Variants in FAR2 observed in about 807,000 individuals in gnomAD.
FAR2 encodes the protein fatty acyl-CoA reductase 2.
FAR2 carries 19 observed loss-of-function variants against 56.0 expected under a neutral mutation model. The ratio of observed to expected loss-of-function variants is 0.34; its 90% confidence interval spans 0.24 to 0.50. FAR2 has a LOEUF of 0.50. FAR2 is among the 20% of genes least tolerant of loss of function. FAR2 has a pLI of 0.98. For synonymous variants in FAR2, 219 were observed against 218.8 expected (o/e 1.00, Z -0.01); for missense variants, 508 against 642.2 (o/e 0.79, Z 2.26).
intron 1 of FAR2, among the ~76,000 whole-genome samples, chr12:29,253,371 CTATCTAGATAGATAGATAGA>C (rs1286416065): frequency 1.0e-5 from 1 of 98,046 alleles, no homozygotes; most frequent in South Asian, 3.2e-4. Flanking sequence ...AGATATCTAT[CTATCTAGATAGATAGATAGA>C]TATCTAGATA....
At chr12:29,333,230 T>C (rs1199684903) in intron 11 of FAR2, 1 of 247,206 alleles carries the variant, frequency 4.0e-6, no homozygotes, top group Admixed American at 5.2e-5. Flanking sequence ...AGTGCAGAGA[T>C]GATAAGGATA....
intron 1 of FAR2, among the ~76,000 whole-genome samples, chr12:29,176,685 A>G (rs79513871): frequency 0.013 from 2,051 of 152,350 alleles, 17 homozygotes; most frequent in Non-Finnish European, 0.022. Context: ...TGCTATAAAT[A>G]TAGTATAAAG....
intron 1 of FAR2, among the ~76,000 whole-genome samples, chr12:29,240,900 G>A (rs2136663910): frequency 6.6e-6 from 1 of 152,122 alleles, no homozygotes; most frequent in African/African-American, 2.4e-5. Context: ...CCGCTTCCTG[G>A]GTTCAAGTGA....
intron 9 of FAR2, among the ~76,000 whole-genome samples, chr12:29,317,233 A>G (rs1200839230): frequency 6.6e-6 from 1 of 152,236 alleles, no homozygotes; most frequent in Non-Finnish European, 1.5e-5. Flanking sequence ...AATTCCACAT[A>G]CCTTACCTCA....
At chr12:29,292,904 A>G (rs1948994940) in intron 2 of FAR2, among the ~76,000 whole-genome samples, 2 of 152,198 alleles carry the variant, frequency 1.3e-5, no homozygotes, top group South Asian at 4.1e-4. Flanking sequence ...CATTCTCAAC[A>G]AAGAGGTCAT....
chr12:29,163,611 T>G (rs898461382), intron 1 of FAR2, among the ~76,000 whole-genome samples: 2 of 152,222 alleles, frequency 1.3e-5, no homozygotes, highest in Non-Finnish European at 2.9e-5. Context: ...TTAATAAATA[T>G]GATTTGAATT....
chr12:29,159,697 G>C (rs1161668471), intron 1 of FAR2, among the ~76,000 whole-genome samples: 2 of 152,072 alleles, frequency 1.3e-5, no homozygotes, highest in Non-Finnish European at 2.9e-5. Context: ...TGTGTCACCA[G>C]GTCCTCTCTT....
chr12:29,198,501 T>G (rs1947363979), intron 1 of FAR2, among the ~76,000 whole-genome samples: 1 of 152,084 alleles, frequency 6.6e-6, no homozygotes, highest in Non-Finnish European at 1.5e-5. Context: ...TGCTGGGATA[T>G]CAGGTGTGAG....
At chr12:29,313,461 C>T (rs1949386890) in intron 8 of FAR2, among the ~76,000 whole-genome samples, 3 of 151,812 alleles carry the variant, frequency 2.0e-5, no homozygotes, top group Non-Finnish European at 4.4e-5. Flanking sequence ...CTAATATTTC[C>T]CTTGTTGTTT....
intron 2 of FAR2, among the ~76,000 whole-genome samples, chr12:29,285,553 A>AGAAGGAAGGGAGGGAAGGAGGGAAG (rs1948860110): frequency 6.6e-6 from 1 of 151,818 alleles, no homozygotes; most frequent in Non-Finnish European, 1.5e-5. Flanking sequence ...GAGGAAGGGA[A>AGAAGGAAGGGAGGGAAGGAGGGAAG]GAAGGAAGGG....
At chr12:29,287,780 G>A (rs1948901380) in intron 2 of FAR2, among the ~76,000 whole-genome samples, 1 of 152,184 alleles carries the variant, frequency 6.6e-6, no homozygotes, top group South Asian at 2.1e-4. Flanking sequence ...GCCCCAGGAA[G>A]TAGAGGGCAA....
At chr12:29,265,657 A>G (rs553870467) in intron 1 of FAR2, among the ~76,000 whole-genome samples, 174 of 147,768 alleles carry the variant, frequency 1.2e-3, no homozygotes, top group Middle Eastern at 7.7e-3. Context: ...AGAAGCAAAA[A>G]TGCACAAATG....
intron 2 of FAR2, among the ~76,000 whole-genome samples, chr12:29,278,889 C>T (rs1948743653): frequency 6.6e-6 from 1 of 152,138 alleles, no homozygotes; most frequent in African/African-American, 2.4e-5. Context: ...CAGCAAATGG[C>T]TGCTGGTTGG....
intron 2 of FAR2, among the ~76,000 whole-genome samples, chr12:29,290,084 G>C (rs1948941586): frequency 1.3e-5 from 2 of 152,290 alleles, no homozygotes; most frequent in South Asian, 4.1e-4. Flanking sequence ...CTCATATGCT[G>C]TTGGTAGGAA....
intron 9 of FAR2, 82 bp downstream of exon 9, chr12:29,317,094 G>A (rs911738921): frequency 1.1e-5 from 15 of 1,406,302 alleles, no homozygotes; most frequent in African/African-American, 5.7e-5. Context: ...TCCTTCAGCC[G>A]AGGATTAAAG....
intron 1 of FAR2, among the ~76,000 whole-genome samples, chr12:29,241,779 T>A (rs1948040494): frequency 6.6e-6 from 1 of 152,258 alleles, no homozygotes; most frequent in South Asian, 2.1e-4. Context: ...CTTGGGTTGC[T>A]TGCCGTTTTT....
At chr12:29,195,345 C>G (rs1331107604) in intron 1 of FAR2, among the ~76,000 whole-genome samples, 2 of 152,190 alleles carry the variant, frequency 1.3e-5, no homozygotes, top group Admixed American at 6.5e-5. Flanking sequence ...AACTGGATGA[C>G]AGTGTCTTCT....
At position 29,162,499 on chromosome 12, in the gene FAR2, A is replaced by G. The variant is rs184895975; in HGVS notation, c.-39+13092A>G. On this transcript the variant is annotated intron_variant, in intron 1 of 11. Transcript: ENST00000536681. ...AGTGTTAAGGTCAAATGCTCATTTA[A>G]TCTGCTTGCAGGAACCTAATTTCTG... 6.6e-4 allele frequency among the ~76,000 whole-genome samples: 100 copies of G among 152,328 alleles called. 2 individuals are homozygous for G. Among genetic ancestry groups the G allele is most frequent in the East Asian group, 9.6e-4 (5 of 5,188 alleles).
chr12:29,228,590 G>T (rs78408616), intron 1 of FAR2, among the ~76,000 whole-genome samples: 1 of 151,612 alleles, frequency 6.6e-6, no homozygotes, highest in Non-Finnish European at 1.5e-5. Context: ...AGTCTTTTTT[G>T]TGTTTGTTTG....
Sources: gnomAD v4.1 joint callset for allele counts (sites outside exome capture counted in the v4.1 genomes callset) on GRCh38, gnomAD v4.1.1 for gene constraint, MANE v1.5 for transcripts, NCBI Gene and HGNC (gene_info 2026-07-23, HGNC 2026-07-21) for gene names.